Variants in EDEM3 observed in about 807,000 individuals in gnomAD.
EDEM3 encodes the protein ER degradation enhancing alpha-mannosidase like protein 3, also known as ER degradation-enhancing alpha-mannosidase-like protein 3.
EDEM3 carries 60 observed loss-of-function variants against 110.2 expected under a neutral mutation model. That is an observed-to-expected ratio of 0.54 (90% confidence interval 0.44 to 0.67). The LOEUF (loss-of-function observed/expected upper bound fraction) is 0.67, where lower values mean the gene tolerates loss of function less well. Ranked by LOEUF, EDEM3 falls within the 30% of genes least tolerant of loss-of-function variation. The pLI, the probability that EDEM3 is intolerant of heterozygous loss-of-function variation, is 0.00. For synonymous variants in EDEM3, 352 were observed against 382.9 expected, an observed-to-expected ratio of 0.92 and a Z score of 0.94; for missense variants, 996 against 1,121.0, an observed-to-expected ratio of 0.89 and a Z score of 1.59.
At chr1:184,700,387 T>C (rs1649551793) in intron 19 of EDEM3, among the ~76,000 whole-genome samples, 1 of 152,004 alleles carries the variant, frequency 6.6e-6, no homozygotes, top group African/African-American at 2.4e-5. Context: ...GAACATTTTA[T>C]TGTTCAGATT....
At chr1:184,750,275 C>T (rs1652683692) in intron 1 of EDEM3, among the ~76,000 whole-genome samples, 1 of 152,128 alleles carries the variant, frequency 6.6e-6, no homozygotes, top group Admixed American at 6.5e-5. Flanking sequence ...TGTGTTTTGG[C>T]GAATTCTGTT....
Position 184,721,387 on chromosome 1 carries a change from C to T in EDEM3, c.854-1G>A. ...TCAATCCCTGCTCCAACTCCACTAT[C>T]TATGGAAACACAAATGTGATTTTTC... On this transcript the variant is annotated splice_acceptor_variant, in intron 8 of 19. Transcript: ENST00000318130. LOFTEE classifies it high-confidence loss of function. 6.3e-7 allele frequency: 1 copy of T among 1,575,770 alleles called. No homozygotes were observed. Among genetic ancestry groups the T allele is most frequent in the Non-Finnish European group, 8.6e-7 (1 of 1,168,084 alleles).
At chr1:184,750,108 A>C (rs1027590810) in intron 1 of EDEM3, among the ~76,000 whole-genome samples, 1 of 152,212 alleles carries the variant, frequency 6.6e-6, no homozygotes, top group Non-Finnish European at 1.5e-5. Context: ...ACATTGAATA[A>C]ACCACTAATG....
chr1:184,754,618 C>G lies in EDEM3; in HGVS notation c.29G>C (p.Gly10Ala). The G allele has an allele frequency of 6.2e-7, 1 of 1,601,524 alleles. No homozygotes were observed. Among genetic ancestry groups the G allele is most frequent in the Non-Finnish European group, 8.5e-7 (1 of 1,174,368 alleles). MSEAGGRGC[G>A]SPVPQRARWR... is the part of the protein sequence containing the mutation. ...TCGCGCTCGCTGGGGAACCGGGGAC[C>G]CACAGCCCCGGCCGCCGGCTTCGCT... is the stretch of plus-strand genomic sequence containing the variant. The change falls in exon 1 of 20, where the codon GGG (glycine) becomes GCG (alanine). Residue 10 changes from glycine (G) to alanine (A), a missense_variant. Physicochemically the swap from Gly to Ala is moderately conservative, Grantham distance 60 (BLOSUM62 0). Transcript: ENST00000318130.
chr1:184,700,436 T>A (rs1054375766), intron 19 of EDEM3, among the ~76,000 whole-genome samples: 41 of 151,998 alleles, frequency 2.7e-4, no homozygotes, highest in African/African-American at 9.2e-4. Context: ...TATAATCTGT[T>A]AACTAGTACC....
intron 2 of EDEM3, among the ~76,000 whole-genome samples, chr1:184,746,064 G>A (rs1386731372): frequency 1.3e-5 from 2 of 152,170 alleles, no homozygotes; most frequent in Non-Finnish European, 2.9e-5. Flanking sequence ...ATGTCATTTG[G>A]TAAACGAGAA....
At chr1:184,751,569 C>T (rs540237313) in intron 1 of EDEM3, among the ~76,000 whole-genome samples, 2 of 152,148 alleles carry the variant, frequency 1.3e-5, no homozygotes, top group Non-Finnish European at 2.9e-5. Flanking sequence ...TATTTAATAT[C>T]ATTGCTCTTA....
rs34268021 is a variant in EDEM3, at chr1:184,720,509, C to CTTTTTTTTTTTTTTTTTTTTTTTTT, written c.951+779_951+780insAAAAAAAAAAAAAAAAAAAAAAAAA. The CTTTTTTTTTTTTTTTTTTTTTTTTT allele has an allele frequency of 9.4e-5, 12 of 127,444 alleles. 1 individual carries two copies. Among genetic ancestry groups the CTTTTTTTTTTTTTTTTTTTTTTTTT allele is most frequent in the African/African-American group, 3.5e-4 (11 of 31,726 alleles). The allele number at this position is 127,444 out of a possible 1,614,324, so 7.9% of individuals were successfully genotyped here. ...AATTTAAACCAGTACATCTCCCATA[C>CTTTTTTTTTTTTTTTTTTTTTTTTT]TTTTTTTTTTTTTTTTTTGAGACGG... On this transcript the variant is annotated intron_variant, in intron 9 of 19. Transcript: ENST00000318130.
chr1:184,737,776 A>AT lies in EDEM3; in HGVS notation c.205-66dup, dbSNP rs1339549080. ...CGAAAGCACACATCATTTTGAGAAC[A>AT]TAACTTTTTCACAGTTAAAAAATAA... On this transcript the variant is annotated intron_variant, in intron 2 of 19. Transcript: ENST00000318130. The AT allele has an allele frequency of 2.7e-5, 38 of 1,390,948 alleles. No individual in the cohort carries two copies. The African/African-American group carries it at 5.3e-4, about 19-fold the overall frequency. The allele number at this position is 1,390,948 out of a possible 1,614,324, so 86.2% of individuals were successfully genotyped here.
chr1:184,749,574 C>G lies in EDEM3; in HGVS notation c.177G>C (p.Met59Ile). The change falls in exon 2 of 20, where the codon ATG becomes ATC. Residue 59 changes from methionine (M) to isoleucine (I), a missense_variant. Met to Ile is a conservative substitution (Grantham distance 10). Around this residue, in one of 5 missense-constraint regions of EDEM3, gnomAD observed 200 missense variants for 183.8 expected, o/e 1.09. Coordinates refer to ENST00000318130, the MANE Select transcript of EDEM3 (RefSeq NM_025191.4). ...TATAGTTACCATAAGCATGATCAAA[C>G]ATTTCCAGTACTTGATTCCTAATTT... The part of the protein sequence containing the change: ...KQKLGNQVLE[M>I]FDHAYGNYME... 1.3e-6 allele frequency: 2 copies of G among 1,501,190 alleles called. No homozygotes were observed. The highest frequency in any genetic ancestry group is 1.8e-6 in the Non-Finnish European group (2 of 1,111,884). The allele number at this position is 1,501,190 out of a possible 1,614,324, so 93.0% of individuals were successfully genotyped here.
At chr1:184,743,294 G>A (rs1234074504) in intron 2 of EDEM3, among the ~76,000 whole-genome samples, 3 of 151,970 alleles carry the variant, frequency 2.0e-5, no homozygotes, top group Non-Finnish European at 2.9e-5. Flanking sequence ...CAAACATCCT[G>A]GCTTTTTGAG....
intron 6 of EDEM3, among the ~76,000 whole-genome samples, chr1:184,729,684 A>G (rs1405835104): frequency 6.6e-6 from 1 of 152,230 alleles, no homozygotes; most frequent in African/African-American, 2.4e-5. Context: ...AAGCATGTAT[A>G]AGAAAGGATG....
At chr1:184,722,986 AT>A (rs1650986072) in intron 8 of EDEM3, among the ~76,000 whole-genome samples, 1 of 151,898 alleles carries the variant, frequency 6.6e-6, no homozygotes, top group Non-Finnish European at 1.5e-5. Flanking sequence ...TCCAACGCTG[AT>A]GTAAAATAAT....
chr1:184,737,565 C>T, intron 3 of EDEM3, 46 bp downstream of exon 3: 2 of 1,568,304 alleles, frequency 1.3e-6, no homozygotes, highest in Non-Finnish European at 1.8e-6. Context: ...AAGTCTAAGA[C>T]TTGGGAACTC....
intron 6 of EDEM3, among the ~76,000 whole-genome samples, chr1:184,730,233 T>C (rs1651430318): frequency 6.6e-6 from 1 of 152,162 alleles, no homozygotes; most frequent in Non-Finnish European, 1.5e-5. Context: ...TACTTCCTCT[T>C]CGAGTAATTT....
chr1:184,717,270 G>A (rs1002181745), intron 12 of EDEM3, among the ~76,000 whole-genome samples: 3 of 151,874 alleles, frequency 2.0e-5, no homozygotes, highest in Non-Finnish European at 2.9e-5. Context: ...CTGAAGAAAG[G>A]CAAGAGACAT....
Position 184,706,573 on chromosome 1 carries a change from A to G in EDEM3, c.2203+70T>C, listed in dbSNP as rs888020554. On this transcript the variant is annotated intron_variant, in intron 18 of 19. Transcript: ENST00000318130. ...ACAAACTCTTTGATAAAATTTTAGAAAATAAAAGGGAAAAAATCCTAAAAA... is the reference window on the plus strand; with the variant it reads ...ACAAACTCTTTGATAAAATTTTAGAGAATAAAAGGGAAAAAATCCTAAAAA... 2.1e-6 allele frequency: 3 copies of G among 1,404,838 alleles called. No individual in the cohort carries two copies. In the South Asian group the frequency reaches 5.4e-5, roughly 25 times the overall value. The allele number at this position is 1,404,838 out of a possible 1,614,324, so 87.0% of individuals were successfully genotyped here.
chr1:184,694,309 A>G lies in EDEM3; in HGVS notation c.2553T>C (p.Asp851=). The change falls in exon 20 of 20, where the codon GAT becomes GAC. Residue 851 remains aspartate (D), a synonymous_variant. Transcript: ENST00000318130. ...GGGAAATGCTTGCAGCATTGTCCAT[A>G]TCTGCTAGAGATAATGATTCTGGGT... ...NSHPESLSLA[D]MDNAASISPS... The G allele has an allele frequency of 6.2e-7, 1 of 1,613,268 alleles. No individual in the cohort carries two copies. The highest frequency in any genetic ancestry group is 8.5e-7 in the Non-Finnish European group (1 of 1,179,580).
chr1:184,748,419 A>T (rs890229214), intron 2 of EDEM3, among the ~76,000 whole-genome samples: 2 of 151,720 alleles, frequency 1.3e-5, no homozygotes, highest in African/African-American at 2.4e-5. Flanking sequence ...TATACTCCAC[A>T]GCCTGGGCGA....
Sources: gnomAD v4.1 joint callset for allele counts (sites outside exome capture counted in the v4.1 genomes callset) on GRCh38, gnomAD v4.1.1 for gene constraint, gnomAD v4.1.1 regional missense constraint, MANE v1.5 for transcripts, NCBI Gene and HGNC (gene_info 2026-07-23, HGNC 2026-07-21) for gene names.